Variants in FSTL4 observed in about 807,000 individuals in gnomAD.
FSTL4 encodes the protein follistatin like 4.
A neutral mutation model predicts 78.2 loss-of-function variants in FSTL4; 28 were observed. That is an observed-to-expected ratio of 0.36 (90% confidence interval 0.27 to 0.49). FSTL4 has a LOEUF of 0.49. FSTL4 is among the 20% of genes least tolerant of loss of function. The probability of loss-of-function intolerance (pLI) is 0.98; values close to 1 mark genes in which losing one functional copy is unlikely to be tolerated. For synonymous variants in FSTL4, 422 were observed against 440.5 expected (o/e 0.96, Z 0.53); for missense variants, 922 against 1,084.9 (o/e 0.85, Z 2.11).
chr5:133,352,504 G>A (rs1220242615), intron 4 of FSTL4, among the ~76,000 whole-genome samples: 1 of 151,716 alleles, frequency 6.6e-6, no homozygotes, highest in Non-Finnish European at 1.5e-5. Context: ...CAACCTCCTG[G>A]GCTCAAGTGA....
chr5:133,498,998 TACACACACAC>T (rs142906885), intron 3 of FSTL4, among the ~76,000 whole-genome samples: 1 of 146,990 alleles, frequency 6.8e-6, no homozygotes, highest in Non-Finnish European at 1.5e-5. Flanking sequence ...AGCAACAAAT[TACACACACAC>T]ACACACACAC....
intron 13 of FSTL4, among the ~76,000 whole-genome samples, chr5:133,216,450 G>A (rs1750911792): frequency 6.6e-6 from 1 of 152,034 alleles, no homozygotes; most frequent in Non-Finnish European, 1.5e-5. Flanking sequence ...CTCCCGTCAA[G>A]TGATTCTCCT....
the FSTL4 span, among the ~76,000 whole-genome samples, chr5:133,625,570 T>A: frequency 6.7e-6 from 1 of 150,214 alleles, no homozygotes; most frequent in African/African-American, 2.4e-5. Context: ...TAACTCTTTG[T>A]TTCATTGATT....
At chr5:133,810,850 C>T in the FSTL4 span, among the ~76,000 whole-genome samples, 2 of 152,320 alleles carry the variant, frequency 1.3e-5, no homozygotes, top group Middle Eastern at 3.4e-3. Context: ...CCATTTTGAA[C>T]ACACCTAGTC....
chr5:133,672,394 T>G, the FSTL4 span, among the ~76,000 whole-genome samples: 1 of 152,186 alleles, frequency 6.6e-6, no homozygotes, highest in African/African-American at 2.4e-5. Flanking sequence ...CCATTTTTGG[T>G]TTAAGCCAGT....
intron 10 of FSTL4, among the ~76,000 whole-genome samples, 171 bp downstream of exon 10, chr5:133,224,979 C>G (rs917328960): frequency 6.6e-6 from 1 of 152,192 alleles, no homozygotes; most frequent in Non-Finnish European, 1.5e-5. Flanking sequence ...AAGGCCTGCT[C>G]ACCTCTGGGT....
At chr5:133,622,346 G>A in the FSTL4 span, among the ~76,000 whole-genome samples, 1 of 152,022 alleles carries the variant, frequency 6.6e-6, no homozygotes, top group Non-Finnish European at 1.5e-5. Flanking sequence ...ATAAATATTT[G>A]TGTACAGGTT....
chr5:133,285,655 GAA>G (rs957807563), intron 6 of FSTL4, among the ~76,000 whole-genome samples: 3 of 152,302 alleles, frequency 2.0e-5, no homozygotes, highest in Admixed American at 2.0e-4. Context: ...CCTCTGTGAG[GAA>G]GTCACACAAA....
intron 5 of FSTL4, among the ~76,000 whole-genome samples, chr5:133,313,767 G>C (rs1753841875): frequency 6.6e-6 from 1 of 152,010 alleles, no homozygotes. Flanking sequence ...CGATAAAAGG[G>C]AGATCAACCA....
the FSTL4 span, among the ~76,000 whole-genome samples, chr5:133,716,747 C>T: frequency 1.4e-4 from 22 of 152,120 alleles, no homozygotes; most frequent in Non-Finnish European, 2.5e-4. Context: ...CATTAGGCAT[C>T]GGGAACACAG....
the FSTL4 span, among the ~76,000 whole-genome samples, chr5:133,624,435 G>A: frequency 1.3e-5 from 2 of 151,920 alleles, no homozygotes; most frequent in Non-Finnish European, 2.9e-5. Context: ...TTGAAAGAAG[G>A]AATAGAGAGT....
the FSTL4 span, among the ~76,000 whole-genome samples, chr5:133,741,165 T>C: frequency 6.6e-6 from 1 of 152,212 alleles, no homozygotes; most frequent in Non-Finnish European, 1.5e-5. Context: ...CCTATGCCGA[T>C]GACACAATCC....
At chr5:133,388,426 A>G (rs1301040000) in intron 4 of FSTL4, 1 of 151,956 alleles carries the variant, frequency 6.6e-6, no homozygotes, top group African/African-American at 2.4e-5. Flanking sequence ...GCTTCTTAAT[A>G]TCGCAGAAAA....
At chr5:133,703,405 C>T in the FSTL4 span, among the ~76,000 whole-genome samples, 10 of 152,194 alleles carry the variant, frequency 6.6e-5, no homozygotes, top group Admixed American at 6.5e-5. Flanking sequence ...AGGGCTCTAT[C>T]TCTCTGTGGA....
chr5:133,224,769 C>T (rs543551690), intron 10 of FSTL4, among the ~76,000 whole-genome samples: 5 of 152,284 alleles, frequency 3.3e-5, no homozygotes, highest in African/African-American at 1.2e-4. Context: ...TACCACACTC[C>T]CAATGGTGTG....
chr5:133,239,736 G>C (rs1027481930), intron 7 of FSTL4, among the ~76,000 whole-genome samples: 1 of 152,192 alleles, frequency 6.6e-6, no homozygotes, highest in Non-Finnish European at 1.5e-5. Context: ...TCGGCACTCT[G>C]TATCTAGATA....
chr5:133,402,316 G>A (rs1177196671), intron 3 of FSTL4, among the ~76,000 whole-genome samples: 3 of 152,286 alleles, frequency 2.0e-5, no homozygotes, highest in East Asian at 3.9e-4. Context: ...CGAAACAGGC[G>A]TCCATCACCA....
At chr5:133,455,044 T>A (rs61337649) in intron 3 of FSTL4, among the ~76,000 whole-genome samples, 2 of 152,062 alleles carry the variant, frequency 1.3e-5, no homozygotes, top group African/African-American at 2.4e-5. Flanking sequence ...TCAACATGGG[T>A]TGGTTAAATG....
chr5:133,808,375 T>C, the FSTL4 span, among the ~76,000 whole-genome samples: 1 of 152,166 alleles, frequency 6.6e-6, no homozygotes, highest in South Asian at 2.1e-4. Flanking sequence ...TTGTTCAATC[T>C]GGGGCACATC....
Sources: gnomAD v4.1 joint callset for allele counts (sites outside exome capture counted in the v4.1 genomes callset) on GRCh38, gnomAD v4.1.1 for gene constraint, MANE v1.5 for transcripts, NCBI Gene and HGNC (gene_info 2026-07-23, HGNC 2026-07-21) for gene names.